The following NKAIN2 variants were observed in gnomAD, a reference collection of about 807,000 sequenced individuals.
The protein encoded by NKAIN2 is sodium/potassium transporting ATPase interacting 2.
In NKAIN2, 14 loss-of-function variants were observed where a neutral mutation model predicts 32.6. That is an observed-to-expected ratio of 0.43 (90% CI 0.28 to 0.67). The LOEUF is 0.67. Ranked by LOEUF, NKAIN2 falls within the 30% of genes least tolerant of loss-of-function variation. NKAIN2 has a pLI of 0.17. For synonymous variants in NKAIN2, 80 were observed against 87.2 expected, an observed-to-expected ratio of 0.92 and a Z score of 0.46; for missense variants, 198 against 258.3, an observed-to-expected ratio of 0.77 and a Z score of 1.60.
chr6:124,439,419 C>A (rs1343394262), intron 3 of NKAIN2, among the ~76,000 whole-genome samples: 1 of 151,864 alleles, frequency 6.6e-6, no homozygotes, highest in East Asian at 1.9e-4. Flanking sequence ...CTACACGGGG[C>A]CTGCTCATGA....
chr6:124,431,953 T>A (rs559834669), intron 3 of NKAIN2, among the ~76,000 whole-genome samples: 1 of 152,294 alleles, frequency 6.6e-6, no homozygotes, highest in South Asian at 2.1e-4. Flanking sequence ...AAGGCCAGAA[T>A]CGTTGTTCAG....
intron 1 of NKAIN2, among the ~76,000 whole-genome samples, chr6:124,196,604 A>G (rs2114609275): frequency 6.6e-6 from 1 of 152,114 alleles, no homozygotes; most frequent in South Asian, 2.1e-4. Context: ...CAATTTTATT[A>G]TTTGCTTTGC....
At chr6:124,586,653 A>G (rs950304327) in intron 3 of NKAIN2, among the ~76,000 whole-genome samples, 3 of 152,104 alleles carry the variant, frequency 2.0e-5, no homozygotes, top group African/African-American at 7.2e-5. Flanking sequence ...AAAGTTCAGT[A>G]CATAGCTACC....
At chr6:124,031,181 A>C (rs953466543) in intron 1 of NKAIN2, among the ~76,000 whole-genome samples, 1 of 152,164 alleles carries the variant, frequency 6.6e-6, no homozygotes, top group African/African-American at 2.4e-5. Flanking sequence ...ACTTCAGTGT[A>C]ACAAGACGTG....
chr6:124,408,959 A>G (rs979152240), intron 3 of NKAIN2, among the ~76,000 whole-genome samples: 6 of 152,118 alleles, frequency 3.9e-5, no homozygotes, highest in African/African-American at 1.4e-4. Context: ...CTTTGAAGCA[A>G]TTGTGAATGG....
At chr6:124,187,714 T>C (rs1789815059) in intron 1 of NKAIN2, among the ~76,000 whole-genome samples, 1 of 152,188 alleles carries the variant, frequency 6.6e-6, no homozygotes. Flanking sequence ...ACATAGTACA[T>C]GCATTGGAAG....
chr6:124,261,603 G>A (rs756567786), intron 1 of NKAIN2, among the ~76,000 whole-genome samples: 5 of 152,282 alleles, frequency 3.3e-5, no homozygotes, highest in South Asian at 2.1e-4. Context: ...CATGACGCCC[G>A]TAATCCTAGC....
intron 4 of NKAIN2, among the ~76,000 whole-genome samples, chr6:124,676,959 T>C (rs1447619299): frequency 1.3e-5 from 2 of 152,048 alleles, no homozygotes; most frequent in Non-Finnish European, 2.9e-5. Context: ...GGTTTGTTGT[T>C]GTTGTCGTTG....
chr6:124,516,373 A>G (rs1778914915), intron 3 of NKAIN2, among the ~76,000 whole-genome samples: 1 of 152,154 alleles, frequency 6.6e-6, no homozygotes, highest in Non-Finnish European at 1.5e-5. Context: ...ACATTTTTAA[A>G]AGATTTTGTG....
intron 3 of NKAIN2, among the ~76,000 whole-genome samples, chr6:124,492,293 T>A (rs1777895099): frequency 1.3e-5 from 2 of 152,092 alleles, no homozygotes; most frequent in South Asian, 4.1e-4. Flanking sequence ...ATATGCCTAT[T>A]GAAAACAACA....
chr6:124,599,822 GATGATAA>G (rs1262630911), intron 3 of NKAIN2, among the ~76,000 whole-genome samples: 1 of 152,072 alleles, frequency 6.6e-6, no homozygotes, highest in Non-Finnish European at 1.5e-5. Flanking sequence ...GACCAAGGGT[GATGATAA>G]ATGACATCCC....
At chr6:123,971,740 A>C (rs1778352436) in intron 1 of NKAIN2, among the ~76,000 whole-genome samples, 1 of 152,198 alleles carries the variant, frequency 6.6e-6, no homozygotes, top group South Asian at 2.1e-4. Flanking sequence ...AGTTAGTGAA[A>C]TCTAACAAGC....
chr6:124,642,425 T>C (rs1267618203), intron 3 of NKAIN2, among the ~76,000 whole-genome samples: 1 of 152,194 alleles, frequency 6.6e-6, no homozygotes, highest in Non-Finnish European at 1.5e-5. Flanking sequence ...CTTAGAATGA[T>C]AAATTCACCA....
intron 1 of NKAIN2, among the ~76,000 whole-genome samples, chr6:124,278,651 A>ATATG (rs1554276475): frequency 0.054 from 305 of 5,666 alleles, 6 homozygotes; most frequent in African/African-American, 0.2. Flanking sequence ...TACATAGCTC[A>ATATG]TATATATATA....
At position 124,353,732 on chromosome 6, in the gene NKAIN2, G is replaced by A. The variant is rs543835934; in HGVS notation, c.193-1535G>A. Among the ~76,000 whole-genome samples the A allele has an allele frequency of 3.3e-5, 5 of 150,662 alleles. No individual in the cohort carries two copies. The Admixed American group carries it at 3.3e-4, about 10-fold the overall frequency. Reference sequence around the variant, plus strand: ...ATCGCGCCACTGCACTCCAGCCTGGGCGACAGAGCGAGACTCCGTCTCAAA... The same window carrying A: ...ATCGCGCCACTGCACTCCAGCCTGGACGACAGAGCGAGACTCCGTCTCAAA... On this transcript the variant is annotated intron_variant, in intron 2 of 6. Coordinates refer to ENST00000368417, the MANE Select transcript of NKAIN2 (RefSeq NM_001040214.3).
At chr6:124,692,796 G>A (rs752189781) in intron 4 of NKAIN2, among the ~76,000 whole-genome samples, 5 of 151,710 alleles carry the variant, frequency 3.3e-5, no homozygotes, top group Non-Finnish European at 7.4e-5. Flanking sequence ...CAGCCTAGGC[G>A]ACAGAGCAAG....
intron 3 of NKAIN2, among the ~76,000 whole-genome samples, chr6:124,530,365 CT>C (rs1779476976): frequency 6.6e-6 from 1 of 152,084 alleles, no homozygotes; most frequent in Admixed American, 6.5e-5. Context: ...CCATAAAGGC[CT>C]TCATCCTTGT....
chr6:123,814,780 A>C (rs1773622356), intron 1 of NKAIN2, among the ~76,000 whole-genome samples: 1 of 152,170 alleles, frequency 6.6e-6, no homozygotes, highest in African/African-American at 2.4e-5. Flanking sequence ...CCATCTTTTA[A>C]TTTAATATTT....
intron 3 of NKAIN2, among the ~76,000 whole-genome samples, chr6:124,556,032 T>A (rs1027570738): frequency 4.6e-5 from 7 of 150,556 alleles, no homozygotes; most frequent in African/African-American, 1.7e-4. Context: ...ACATAAAAAC[T>A]TCTTCCAATT....
Sources: allele counts gnomAD v4.1 joint callset (sites outside exome capture counted in the v4.1 genomes callset), GRCh38; gene constraint gnomAD v4.1.1; transcripts MANE v1.5; gene names NCBI Gene and HGNC (gene_info 2026-07-23, HGNC 2026-07-21).